GNA14: variants seen among roughly 807,000 people sequenced by gnomAD.
GNA14 encodes the protein G protein subunit alpha 14, also known as guanine nucleotide-binding protein subunit alpha-14.
Under a neutral mutation model 42.0 loss-of-function variants are expected in GNA14, and 50 were observed. The ratio of observed to expected loss-of-function variants is 1.19; its 90% CI spans 0.95 to 1.51. The LOEUF (loss-of-function observed/expected upper bound fraction) is 1.51, where lower values mean the gene tolerates loss of function less well. Among genes scored for constraint, GNA14 ranks in the 40% most tolerant of loss-of-function variants. GNA14 has a pLI of 0.00. For synonymous variants in GNA14, 173 were observed against 163.1 expected (o/e 1.06, Z -0.46); for missense variants, 473 against 446.2 (o/e 1.06, Z -0.54).
chr9:77,595,086 A>G (rs560648482), intron 1 of GNA14, among the ~76,000 whole-genome samples: 1 of 152,288 alleles, frequency 6.6e-6, no homozygotes, highest in Admixed American at 6.5e-5. Flanking sequence ...CTGGTTACAG[A>G]ATGCTATAGG....
At chr9:77,467,002 T>G (rs934858652) in intron 2 of GNA14, among the ~76,000 whole-genome samples, 38 of 91,838 alleles carry the variant, frequency 4.1e-4, no homozygotes, top group Admixed American at 1.8e-3. Flanking sequence ...TACCACTCGG[T>G]GTGTGTGTGT....
chr9:77,484,060 T>C (rs1836613026), intron 2 of GNA14, among the ~76,000 whole-genome samples: 1 of 152,194 alleles, frequency 6.6e-6, no homozygotes, highest in Non-Finnish European at 1.5e-5. Context: ...ATGCCCCTTT[T>C]CTTTGGAGAA....
intron 2 of GNA14, among the ~76,000 whole-genome samples, chr9:77,458,282 T>G (rs1484265306): frequency 7.8e-6 from 1 of 128,190 alleles, no homozygotes. Flanking sequence ...CAGGCCCAAG[T>G]GCACAGCTTT....
chr9:77,559,875 C>T (rs1822849635), intron 1 of GNA14, among the ~76,000 whole-genome samples: 1 of 152,172 alleles, frequency 6.6e-6, no homozygotes, highest in African/African-American at 2.4e-5. Flanking sequence ...AACTGTTGAG[C>T]TAAACCTACA....
At chr9:77,584,176 G>A (rs548707142) in intron 1 of GNA14, among the ~76,000 whole-genome samples, 6 of 152,216 alleles carry the variant, frequency 3.9e-5, no homozygotes, top group South Asian at 2.1e-4. Context: ...AAGAAACTGC[G>A]AAAGGTAACA....
intron 2 of GNA14, among the ~76,000 whole-genome samples, chr9:77,502,620 C>A (rs1262006653): frequency 2.0e-5 from 3 of 152,130 alleles, no homozygotes; most frequent in African/African-American, 7.2e-5. Context: ...TTGTCCAGTG[C>A]TGAAAGTCCT....
intron 1 of GNA14, among the ~76,000 whole-genome samples, chr9:77,638,948 T>A (rs935478288): frequency 8.5e-5 from 13 of 152,190 alleles, no homozygotes; most frequent in African/African-American, 2.9e-4. Flanking sequence ...GGCATGATTT[T>A]AAAAAACAAA....
In GNA14 at chr9:77,466,846, T is replaced by C. The variant is rs148710677; in HGVS notation, c.310-32324A>G. 3.0e-4 allele frequency among the ~76,000 whole-genome samples: 45 copies of C among 152,268 alleles called. No individual in the cohort carries two copies. In the South Asian group the frequency reaches 4.8e-3, roughly 16 times the overall value. ...GTGACTAACTCTGTGATGTCTATTT[T>C]CCCGACCACATGGAGCCTCTGAAGT... is the stretch of plus-strand genomic sequence containing the variant. On this transcript the variant is annotated intron_variant, in intron 2 of 6. Transcript: ENST00000341700.
chr9:77,609,040 T>C (rs2117939221), intron 1 of GNA14, among the ~76,000 whole-genome samples: 1 of 152,326 alleles, frequency 6.6e-6, no homozygotes, highest in East Asian at 1.9e-4. Flanking sequence ...GCCTAAGAAT[T>C]TGCCAAATCT....
chr9:77,624,058 C>T (rs2117983889), intron 1 of GNA14, among the ~76,000 whole-genome samples: 1 of 152,262 alleles, frequency 6.6e-6, no homozygotes, highest in South Asian at 2.1e-4. Flanking sequence ...CTGAGGTCGA[C>T]CTGGGACACT....
At chr9:77,588,896 T>C (rs1226754998) in intron 1 of GNA14, among the ~76,000 whole-genome samples, 1 of 152,226 alleles carries the variant, frequency 6.6e-6, no homozygotes, top group Non-Finnish European at 1.5e-5. Context: ...AGAAGGAACC[T>C]GCTTTTGCCA....
At chr9:77,628,811 G>T (rs928929950) in intron 1 of GNA14, among the ~76,000 whole-genome samples, 9 of 152,032 alleles carry the variant, frequency 5.9e-5, no homozygotes, top group African/African-American at 1.9e-4. Context: ...GCAATACCAT[G>T]TAGGACACAG....
chr9:77,498,189 A>C (rs138389662), intron 2 of GNA14, among the ~76,000 whole-genome samples: 183 of 152,138 alleles, frequency 1.2e-3, no homozygotes, highest in African/African-American at 4.1e-3. Context: ...GCCTGACCAA[A>C]ATGGAGAAAC....
chr9:77,426,161 G>T (rs1040409986), intron 5 of GNA14, among the ~76,000 whole-genome samples: 11 of 152,148 alleles, frequency 7.2e-5, no homozygotes, highest in Admixed American at 6.5e-4. Context: ...AAGTGACAAG[G>T]CTCTTCCAGC....
intron 2 of GNA14, among the ~76,000 whole-genome samples, chr9:77,525,722 T>C (rs920602460): frequency 6.6e-6 from 1 of 151,190 alleles, no homozygotes; most frequent in African/African-American, 2.4e-5. Flanking sequence ...TTATTTTTAG[T>C]AGAGACGGGG....
At chr9:77,616,875 A>G (rs1241912454) in intron 1 of GNA14, among the ~76,000 whole-genome samples, 1 of 151,844 alleles carries the variant, frequency 6.6e-6, no homozygotes, top group Non-Finnish European at 1.5e-5. Flanking sequence ...TTTTTATTTT[A>G]TTTTTTATTT....
chr9:77,611,057 A>G (rs989924951), intron 1 of GNA14, among the ~76,000 whole-genome samples: 1 of 152,184 alleles, frequency 6.6e-6, no homozygotes, highest in African/African-American at 2.4e-5. Context: ...CTGAGACTGG[A>G]TCTAGTCTGA....
In GNA14 at chr9:77,423,784, GT is replaced by G. The variant is rs1482840383; in HGVS notation, c.*194del. 1 of 370,932 alleles carries G rather than the reference GT, an allele frequency of 2.7e-6. No homozygotes were observed. Among genetic ancestry groups the G allele is most frequent in the Non-Finnish European group, 4.8e-6 (1 of 206,972 alleles). The allele number at this position is 370,932 out of a possible 1,614,324, so 23.0% of individuals were successfully genotyped here. On this transcript the variant is annotated 3_prime_UTR_variant, in exon 7 of 7. Coordinates refer to ENST00000341700, the MANE Select transcript of GNA14 (RefSeq NM_004297.4). ...AATAATTATAAACACAATTTGGGAT[GT>G]AAGGACTTTTAAAGTATGTTGGTAA...
intron 2 of GNA14, among the ~76,000 whole-genome samples, chr9:77,462,726 G>A (rs971598995): frequency 1.0e-4 from 3 of 28,986 alleles, no homozygotes; most frequent in Non-Finnish European, 2.3e-4. Flanking sequence ...ATCTCGGGGC[G>A]GGGGGTGGGG....
Sources: gnomAD v4.1 joint callset for allele counts (sites outside exome capture counted in the v4.1 genomes callset) on GRCh38, gnomAD v4.1.1 for gene constraint, MANE v1.5 for transcripts, NCBI Gene and HGNC (gene_info 2026-07-23, HGNC 2026-07-21) for gene names.